The following TRIM5 variants were observed in gnomAD, a reference collection of about 807,000 sequenced individuals.
TRIM5 encodes tripartite motif-containing protein 5.
Under a neutral mutation model 35.6 loss-of-function variants are expected in TRIM5, and 31 were observed. The observed-to-expected ratio is 0.87, with a 90% CI of 0.65 to 1.18. The LOEUF (loss-of-function observed/expected upper bound fraction) is 1.18, where lower values mean the gene tolerates loss of function less well. Ranked by LOEUF, TRIM5 falls within the 50% of genes most tolerant of loss-of-function variation. The probability of loss-of-function intolerance (pLI) is 0.00; values close to 1 mark genes in which losing one functional copy is unlikely to be tolerated. For synonymous variants in TRIM5, 243 were observed against 215.6 expected (o/e 1.13, Z -1.11); for missense variants, 609 against 591.6 (o/e 1.03, Z -0.31).
At chr11:5,630,044 C>T in the TRIM5 span, among the ~76,000 whole-genome samples, 3 of 152,126 alleles carry the variant, frequency 2.0e-5, no homozygotes, top group East Asian at 5.8e-4. Context: ...ACCATGTGAC[C>T]ATGTGGATGC....
At chr11:5,659,312 G>A (rs79353436), downstream of TRIM5, among the ~76,000 whole-genome samples, 3,539 of 152,088 alleles carry the variant, frequency 0.023, 133 homozygotes, top group African/African-American at 0.081. Flanking sequence ...TCCCCCTGTC[G>A]CATGCCCTGC....
the TRIM5 span, chr11:5,610,862 AG>A: frequency 6.2e-7 from 1 of 1,614,184 alleles, no homozygotes. Context: ...TGGGAGCTAA[AG>A]TATCTGGACC....
the TRIM5 span, among the ~76,000 whole-genome samples, chr11:5,623,534 ATTTT>A: frequency 3.9e-5 from 5 of 126,626 alleles, no homozygotes; most frequent in Admixed American, 3.3e-4. Flanking sequence ...TGCCCGGCTA[ATTTT>A]TTTTTTTTTT....
chr11:5,608,289 T>TG, the TRIM5 span: 3 of 1,579,350 alleles, frequency 1.9e-6, no homozygotes, highest in Non-Finnish European at 2.6e-6. Flanking sequence ...TATCATATCA[T>TG]GGGGTAGGGG....
downstream of TRIM5, among the ~76,000 whole-genome samples, chr11:5,659,177 T>C (rs1056094902): frequency 1.3e-5 from 2 of 151,838 alleles, no homozygotes; most frequent in African/African-American, 4.8e-5. Context: ...GTAACACATG[T>C]CCGCGGGGCC....
At chr11:5,677,635 A>C (rs1327670325) in intron 4 of TRIM5, among the ~76,000 whole-genome samples, 1 of 152,150 alleles carries the variant, frequency 6.6e-6, no homozygotes, top group Non-Finnish European at 1.5e-5. Flanking sequence ...GCCTGACCTC[A>C]TGACTGGCCC....
the TRIM5 span, among the ~76,000 whole-genome samples, chr11:5,641,612 T>C: frequency 6.6e-6 from 1 of 152,140 alleles, no homozygotes; most frequent in Admixed American, 6.5e-5. Flanking sequence ...TACTTAGAAA[T>C]AGAAGGTACC....
chr11:5,684,027 G>A (rs573440200), intron 1 of TRIM5: 3 of 154,406 alleles, frequency 1.9e-5, no homozygotes, highest in East Asian at 1.9e-4. Flanking sequence ...GCGAGACCAC[G>A]AACCCACCAG....
chr11:5,651,352 T>A, the TRIM5 span, among the ~76,000 whole-genome samples: 3 of 152,188 alleles, frequency 2.0e-5, no homozygotes, highest in African/African-American at 7.2e-5. Context: ...ACCTGGGTAA[T>A]AAGCATAGTA....
intron 4 of TRIM5, among the ~76,000 whole-genome samples, chr11:5,673,784 G>A (rs1000191669): frequency 2.6e-5 from 4 of 152,068 alleles, no homozygotes; most frequent in African/African-American, 4.8e-5. Context: ...ATTCTTCAAT[G>A]CTTTAAAATT....
the TRIM5 span, among the ~76,000 whole-genome samples, chr11:5,605,940 G>C: frequency 2.0e-5 from 3 of 152,182 alleles, no homozygotes; most frequent in Admixed American, 6.5e-5. Flanking sequence ...ATGCTTAGCA[G>C]CGTCTCTGGC....
chr11:5,669,580 G>C (rs908123396), intron 4 of TRIM5, among the ~76,000 whole-genome samples: 7 of 152,124 alleles, frequency 4.6e-5, no homozygotes, highest in African/African-American at 1.7e-4. Flanking sequence ...TTTTGTATTA[G>C]TACTTTTATG....
chr11:5,667,067 T>C (rs1375048272), intron 5 of TRIM5, among the ~76,000 whole-genome samples: 1 of 152,082 alleles, frequency 6.6e-6, no homozygotes, highest in Non-Finnish European at 1.5e-5. Context: ...ATGTAGGTAA[T>C]AAAATGGTGA....
intron 1 of TRIM5, among the ~76,000 whole-genome samples, chr11:5,682,757 G>C (rs1852594604): frequency 6.6e-6 from 1 of 152,228 alleles, no homozygotes; most frequent in African/African-American, 2.4e-5. Context: ...TGTGTGCCTG[G>C]GTTGTATTGA....
intron 6 of TRIM5, 58 bp downstream of exon 6, chr11:5,665,923 T>G (rs1050241051): frequency 2.0e-5 from 30 of 1,517,436 alleles, no homozygotes; most frequent in Admixed American, 1.4e-4. Context: ...TCTTCCCTAT[T>G]TAGCACCCTA....
chr11:5,604,513 A>G, the TRIM5 span: 13 of 1,605,864 alleles, frequency 8.1e-6, no homozygotes, highest in Non-Finnish European at 1.1e-5. Context: ...ATCCTGCTTG[A>G]CCTGATTTGT....
intron 4 of TRIM5, among the ~76,000 whole-genome samples, chr11:5,670,682 C>T (rs1851520253): frequency 6.6e-6 from 1 of 152,134 alleles, no homozygotes; most frequent in Non-Finnish European, 1.5e-5. Context: ...CTCACTTACC[C>T]AAGCATAGAT....
chr11:5,617,467 T>G, the TRIM5 span, among the ~76,000 whole-genome samples: 4 of 140,802 alleles, frequency 2.8e-5, no homozygotes, highest in Non-Finnish European at 1.6e-5. Context: ...TTTCTATACA[T>G]TATATATATG....
At position 5,665,879 on chromosome 11, in the gene TRIM5, CT is replaced by C. The variant is rs1851093496; in HGVS notation, c.868+101del. 3.4e-5 allele frequency: 45 copies of C among 1,313,628 alleles called. No individual in the cohort carries two copies. The South Asian group carries it at 5.5e-4, about 16-fold the overall frequency. The allele number at this position is 1,313,628 out of a possible 1,614,324, so 81.4% of individuals were successfully genotyped here. ...AGCAGCAGACAATATCTATCCTCCC[CT>C]ATCCCCTCTATCCATATTTGGAAAC... On this transcript the variant is annotated intron_variant, in intron 6 of 7. Transcript: ENST00000380034.
Sources: gnomAD v4.1 joint callset for allele counts (sites outside exome capture counted in the v4.1 genomes callset) on GRCh38, gnomAD v4.1.1 for gene constraint, MANE v1.5 for transcripts, NCBI Gene and HGNC (gene_info 2026-07-23, HGNC 2026-07-21) for gene names.